The following CCBE1 variants were observed in gnomAD, a reference collection of about 807,000 sequenced individuals.
CCBE1 encodes the protein collagen and calcium-binding EGF domain-containing protein 1.
Under a neutral mutation model 50.0 loss-of-function variants are expected in CCBE1, and 37 were observed. The ratio of observed to expected loss-of-function variants is 0.74; its 90% confidence interval spans 0.57 to 0.97. The LOEUF is 0.97. Ranked by LOEUF, CCBE1 falls within the 50% of genes least tolerant of loss-of-function variation. The pLI is 0.00. For missense variants in CCBE1, 538 were observed against 523.8 expected (o/e 1.03, Z -0.26); for synonymous variants, 234 against 203.7 (o/e 1.15, Z -1.27).
intron 2 of CCBE1, among the ~76,000 whole-genome samples, chr18:59,490,182 G>A (rs1051108337): frequency 7.2e-5 from 11 of 151,788 alleles, no homozygotes; most frequent in African/African-American, 2.4e-4. Flanking sequence ...ACGGGGTTTC[G>A]CCATGTTGGG....
At chr18:59,695,407 T>C (rs1246559155) in intron 2 of CCBE1, among the ~76,000 whole-genome samples, 1 of 151,992 alleles carries the variant, frequency 6.6e-6, no homozygotes, top group African/African-American at 2.4e-5. Flanking sequence ...CTCTACTACC[T>C]CTCTCATTTT....
At chr18:59,507,664 G>A (rs1247353450) in intron 2 of CCBE1, among the ~76,000 whole-genome samples, 1 of 152,134 alleles carries the variant, frequency 6.6e-6, no homozygotes, top group Admixed American at 6.5e-5. Context: ...TTTGTCACAT[G>A]AGAGTAGTTA....
chr18:59,480,660 C>T (rs1246473215), intron 2 of CCBE1, among the ~76,000 whole-genome samples: 2 of 151,910 alleles, frequency 1.3e-5, no homozygotes, highest in African/African-American at 2.4e-5. Flanking sequence ...CTAATTATAA[C>T]ATAATGATTG....
chr18:59,643,428 C>A (rs2054016030), intron 2 of CCBE1, among the ~76,000 whole-genome samples: 1 of 152,110 alleles, frequency 6.6e-6, no homozygotes, highest in Admixed American at 6.5e-5. Flanking sequence ...CTCGATATCC[C>A]AAATGTGCAG....
chr18:59,613,400 G>A (rs1235812379), intron 2 of CCBE1, among the ~76,000 whole-genome samples: 3 of 152,134 alleles, frequency 2.0e-5, no homozygotes, highest in Non-Finnish European at 4.4e-5. Context: ...AGTATTCGAT[G>A]TATTGAAGTT....
chr18:59,503,165 C>T (rs1260642683), intron 2 of CCBE1, among the ~76,000 whole-genome samples: 1 of 152,156 alleles, frequency 6.6e-6, no homozygotes, highest in Non-Finnish European at 1.5e-5. Context: ...AGGGAGTGAG[C>T]AATGAAAACT....
Position 59,697,350 on chromosome 18 carries a change from G to C in CCBE1, c.-8C>G. ...CGGAGGCGGCGGCACCATCAGGGAA[G>C]CTCCCGGCTTCTTCCCAGCGCCGAG... On this transcript the variant is annotated 5_prime_UTR_variant, in exon 1 of 11. Transcript: ENST00000439986. The C allele has an allele frequency of 4.5e-6, 7 of 1,545,204 alleles. No homozygotes were observed. The highest frequency in any genetic ancestry group is 6.1e-6 in the Non-Finnish European group (7 of 1,146,478).
intron 2 of CCBE1, among the ~76,000 whole-genome samples, chr18:59,507,415 T>C (rs1437247676): frequency 2.0e-5 from 3 of 152,190 alleles, no homozygotes; most frequent in Non-Finnish European, 4.4e-5. Flanking sequence ...CTCTCCCAAC[T>C]TTGCCATAGC....
chr18:59,576,079 G>A (rs1037616343), intron 2 of CCBE1, among the ~76,000 whole-genome samples: 1 of 152,070 alleles, frequency 6.6e-6, no homozygotes, highest in African/African-American at 2.4e-5. Context: ...ATCCATTCAC[G>A]TTCTTGCATT....
intron 5 of CCBE1, chr18:59,464,143 A>G (rs1911629532): frequency 6.6e-6 from 1 of 152,248 alleles, no homozygotes; most frequent in Non-Finnish European, 1.5e-5. Context: ...TTTGGAACTT[A>G]AAAAGTAGTC....
chr18:59,644,223 C>G (rs760296457), intron 2 of CCBE1, among the ~76,000 whole-genome samples: 6 of 152,180 alleles, frequency 3.9e-5, no homozygotes, highest in Admixed American at 2.0e-4. Context: ...AATCTAATGC[C>G]GTTGCTGATC....
At chr18:59,461,429 G>A (rs1289409903) in intron 5 of CCBE1, among the ~76,000 whole-genome samples, 1 of 151,190 alleles carries the variant, frequency 6.6e-6, no homozygotes, top group South Asian at 2.1e-4. Flanking sequence ...TTTTAATTAT[G>A]TGTATGAATT....
At chr18:59,558,003 T>C (rs891313) in intron 2 of CCBE1, among the ~76,000 whole-genome samples, 23,316 of 152,206 alleles carry the variant, frequency 0.15, 2,674 homozygotes, top group African/African-American at 0.32. Flanking sequence ...ATGGTAAGTG[T>C]GGGGAAGAGA....
rs759940843 is a variant in CCBE1 at position 59,466,745 on chromosome 18, C to A, written c.547G>T (p.Asp183Tyr). 1.2e-5 allele frequency: 19 copies of A among 1,612,312 alleles called. No individual in the cohort carries two copies. Among genetic ancestry groups the A allele is most frequent in the Non-Finnish European group, 1.4e-5 (17 of 1,179,386 alleles). The stretch of plus-strand genomic sequence containing the variant: ...TTAGACTTGCCCTACTTACCAGTGT[C>A]ATTGGGATATTTGTCTCCCCTGGTA... ...TCTRGDKYPN[D>Y]TGHEKSENMV... Residue 183 changes from aspartate (D) to tyrosine (Y), a missense_variant, in exon 5 of 11, where the codon GAC becomes TAC. Transcript: ENST00000439986.
At chr18:59,635,187 G>A (rs116789834) in intron 2 of CCBE1, among the ~76,000 whole-genome samples, 2,334 of 152,278 alleles carry the variant, frequency 0.015, 33 homozygotes, top group Middle Eastern at 0.054. Context: ...ACAAATGGAG[G>A]CCAGATGACA....
chr18:59,487,031 C>T (rs1912855886), intron 2 of CCBE1, among the ~76,000 whole-genome samples: 1 of 151,028 alleles, frequency 6.6e-6, no homozygotes, highest in Non-Finnish European at 1.5e-5. Context: ...CCTGGTCAGG[C>T]ACACAGAAGT....
intron 2 of CCBE1, among the ~76,000 whole-genome samples, chr18:59,484,289 T>A (rs993537644): frequency 1.3e-5 from 2 of 152,166 alleles, no homozygotes; most frequent in Non-Finnish European, 2.9e-5. Flanking sequence ...CATGAGAAAG[T>A]TGGATACAAG....
intron 6 of CCBE1, among the ~76,000 whole-genome samples, chr18:59,450,141 A>G (rs1395586313): frequency 6.6e-6 from 1 of 152,180 alleles, no homozygotes; most frequent in Non-Finnish European, 1.5e-5. Flanking sequence ...AGTCAATGGA[A>G]TTATGCGTAT....
intron 2 of CCBE1, among the ~76,000 whole-genome samples, chr18:59,601,466 C>T (rs1164029251): frequency 2.0e-5 from 3 of 152,180 alleles, no homozygotes; most frequent in African/African-American, 7.2e-5. Flanking sequence ...CTTCATCTTC[C>T]ACCATGATTG....
Sources: allele counts gnomAD v4.1 joint callset (sites outside exome capture counted in the v4.1 genomes callset), GRCh38; gene constraint gnomAD v4.1.1; transcripts MANE v1.5; gene names NCBI Gene and HGNC (gene_info 2026-07-23, HGNC 2026-07-21).